SLC12A1: variants seen among roughly 807,000 people sequenced by gnomAD.
The protein encoded by SLC12A1 is Na-K-2Cl cotransporter.
A neutral mutation model predicts 130.4 loss-of-function variants in SLC12A1; 89 were observed. The observed-to-expected ratio is 0.68, with a 90% confidence interval of 0.58 to 0.81. The LOEUF (loss-of-function observed/expected upper bound fraction) is 0.81. SLC12A1 is among the 40% of genes least tolerant of loss of function. The probability of loss-of-function intolerance (pLI) is 0.00; values close to 1 mark genes in which losing one functional copy is unlikely to be tolerated. For synonymous variants in SLC12A1, 499 were observed against 460.0 expected, an observed-to-expected ratio of 1.08 and a Z score of -1.09; for missense variants, 1,310 against 1,336.4, an observed-to-expected ratio of 0.98 and a Z score of 0.31.
intron 6 of SLC12A1, 150 bp downstream of exon 6, chr15:48,229,478 G>A (rs907990058): frequency 1.3e-6 from 1 of 752,420 alleles, no homozygotes; most frequent in African/African-American, 1.8e-5. Context: ...AGAAGATCTG[G>A]CTTTGAGTCC....
intron 5 of SLC12A1, chr15:48,228,072 A>G (rs1439703363): frequency 6.6e-6 from 1 of 152,146 alleles, no homozygotes; most frequent in Non-Finnish European, 1.5e-5. Context: ...GTCTTTAGGT[A>G]TGTTGGTTTG....
intron 20 of SLC12A1, among the ~76,000 whole-genome samples, chr15:48,284,238 T>G (rs1023955050): frequency 9.2e-5 from 14 of 152,340 alleles, no homozygotes; most frequent in African/African-American, 3.1e-4. Context: ...TGAAAGGAAT[T>G]GGTGGTGGAT....
chr15:48,273,270 CT>C (rs1415160694), intron 19 of SLC12A1, among the ~76,000 whole-genome samples: 1 of 152,096 alleles, frequency 6.6e-6, no homozygotes, highest in Non-Finnish European at 1.5e-5. Context: ...TCAGGAATGC[CT>C]TTCTCAATCT....
chr15:48,259,521 T>C (rs2041746381), intron 17 of SLC12A1, among the ~76,000 whole-genome samples: 1 of 152,170 alleles, frequency 6.6e-6, no homozygotes, highest in South Asian at 2.1e-4. Context: ...TCAGATTTCA[T>C]AAGAGACCAA....
Position 48,255,737 on chromosome 15 carries a change from G to A in SLC12A1, c.1943-74G>A, listed in dbSNP as rs532293801. 36 of 911,766 alleles carry A rather than the reference G, an allele frequency of 3.9e-5. No individual in the cohort carries two copies. The East Asian group carries it at 8.3e-4, about 21-fold the overall frequency. 56.5% of individuals were successfully genotyped at this position (911,766 alleles called of 1,614,324 possible). ...GCCAAGGAAAATCATAGAAGGGAAT[G>A]ACTTGTAAAATTATTCATGGTGCAC... On this transcript the variant is annotated intron_variant, in intron 15 of 26. Coordinates refer to ENST00000380993, the MANE Select transcript of SLC12A1 (RefSeq NM_000338.3).
intron 19 of SLC12A1, among the ~76,000 whole-genome samples, chr15:48,272,666 G>C (rs1040117625): frequency 6.6e-6 from 1 of 152,152 alleles, no homozygotes; most frequent in Non-Finnish European, 1.5e-5. Flanking sequence ...GACCTCAGGT[G>C]ATCCACCGCC....
At chr15:48,252,491 CA>C (rs2041659519) in intron 15 of SLC12A1, among the ~76,000 whole-genome samples, 1 of 152,026 alleles carries the variant, frequency 6.6e-6, no homozygotes, top group Non-Finnish European at 1.5e-5. Context: ...TCAAGGAGTT[CA>C]CAGAGTCACA....
intron 26 of SLC12A1, among the ~76,000 whole-genome samples, chr15:48,302,498 TA>T (rs2042244932): frequency 6.7e-6 from 1 of 150,240 alleles, no homozygotes; most frequent in South Asian, 2.1e-4. Context: ...CGGGCGCCTG[TA>T]GTCCCAGCTA....
At chr15:48,213,535 G>A (rs905271631) in intron 2 of SLC12A1, among the ~76,000 whole-genome samples, 3 of 134,714 alleles carry the variant, frequency 2.2e-5, no homozygotes, top group Non-Finnish European at 4.6e-5. Flanking sequence ...ACGGGATCTC[G>A]CTCTGTCACC....
chr15:48,231,319 A>G (rs1283050838), intron 7 of SLC12A1, among the ~76,000 whole-genome samples: 1 of 152,242 alleles, frequency 6.6e-6, no homozygotes, highest in Non-Finnish European at 1.5e-5. Context: ...ATGGTCTATG[A>G]AGAGATCAAT....
rs56705329 is a variant in SLC12A1 at position 48,250,676 on chromosome 15, T to TCACACACACACACACACACACACACA, written c.1787-933_1787-908dup. On this transcript the variant is annotated intron_variant, in intron 14 of 26. Transcript: ENST00000380993. ...TACACAAACCCAGAAAATGTCTGCC[T>TCACACACACACACACACACACACACA]CACACACACACACACACACACACAC... is the stretch of plus-strand genomic sequence containing the variant. 8.8e-3 allele frequency among the ~76,000 whole-genome samples: 1,281 copies of TCACACACACACACACACACACACACA among 145,974 alleles called. 24 individuals carry two copies. Among genetic ancestry groups the TCACACACACACACACACACACACACA allele is most frequent in the African/African-American group, 0.028 (1,051 of 37,978 alleles).
At chr15:48,240,134 A>G (rs1215073174) in intron 9 of SLC12A1, among the ~76,000 whole-genome samples, 3 of 141,162 alleles carry the variant, frequency 2.1e-5, no homozygotes, top group African/African-American at 5.3e-5. Context: ...TATAATATGC[A>G]TAAATTTTAT....
At chr15:48,206,649 A>G (rs2040986791) in intron 1 of SLC12A1, among the ~76,000 whole-genome samples, 1 of 152,212 alleles carries the variant, frequency 6.6e-6, no homozygotes, top group South Asian at 2.1e-4. Flanking sequence ...TTCTAAAGCA[A>G]GTGTTTTAAG....
At chr15:48,241,783 A>G (rs368163439) in intron 10 of SLC12A1, among the ~76,000 whole-genome samples, 184 bp downstream of exon 10, 102 of 152,310 alleles carry the variant, frequency 6.7e-4, no homozygotes, top group African/African-American at 2.3e-3. Context: ...ATTAAGCTGT[A>G]CTACAGACAT....
At chr15:48,233,743 TA>T (rs1277747840) in intron 8 of SLC12A1, among the ~76,000 whole-genome samples, 10 of 152,338 alleles carry the variant, frequency 6.6e-5, no homozygotes, top group Admixed American at 2.6e-4. Flanking sequence ...CTTTTCTTCA[TA>T]AAGACTTTCT....
chr15:48,288,252 G>T, intron 22 of SLC12A1, 78 bp downstream of exon 22: 1 of 1,367,540 alleles, frequency 7.3e-7, no homozygotes, highest in South Asian at 1.3e-5. Context: ...AGGTATATGG[G>T]AACAATACTG....
chr15:48,222,463 A>G (rs920816370), intron 4 of SLC12A1: 11 of 151,848 alleles, frequency 7.2e-5, no homozygotes, highest in African/African-American at 2.4e-4. Flanking sequence ...TTAAAATATT[A>G]AAATAAAATT....
At chr15:48,240,415 G>T (rs142858583) in intron 9 of SLC12A1, among the ~76,000 whole-genome samples, 1 of 152,250 alleles carries the variant, frequency 6.6e-6, no homozygotes, top group Non-Finnish European at 1.5e-5. Context: ...TCCTAGAAGA[G>T]TGGGGAGAAA....
chr15:48,292,978 C>T lies in SLC12A1; in HGVS notation c.2960+1114C>T, dbSNP rs564393759. Among the ~76,000 whole-genome samples, 24 of 152,198 alleles carry T rather than the reference C, an allele frequency of 1.6e-4. 1 individual carries two copies. Among genetic ancestry groups the T allele is most frequent in the African/African-American group, 5.5e-4 (23 of 41,524 alleles). ...TCACCCAGGCTGGAGTGTAGCAGTG[C>T]AATCTCAGCTCACAACAACCTCTGC... On this transcript the variant is annotated intron_variant, in intron 24 of 26. Transcript: ENST00000380993.
Sources: gnomAD v4.1 joint callset for allele counts (sites outside exome capture counted in the v4.1 genomes callset) on GRCh38, gnomAD v4.1.1 for gene constraint, MANE v1.5 for transcripts, NCBI Gene and HGNC (gene_info 2026-07-23, HGNC 2026-07-21) for gene names.